The following ALAS2 variants were observed in gnomAD, a reference collection of about 807,000 sequenced individuals.
The protein encoded by ALAS2 is 5'-aminolevulinate synthase 2.
A neutral mutation model predicts 33.7 loss-of-function variants in ALAS2; 3 were observed. The observed-to-expected ratio is 0.09, with a 90% CI of 0.04 to 0.23. The LOEUF is 0.23. ALAS2 is among the 10% of genes least tolerant of loss of function. The probability of loss-of-function intolerance (pLI) is 1.00; values close to 1 mark genes in which losing one functional copy is unlikely to be tolerated. For missense variants in ALAS2, 304 were observed against 475.1 expected (o/e 0.64, Z 3.35); for synonymous variants, 191 against 177.3 (o/e 1.08, Z -0.61).
intron 6 of ALAS2, among the ~76,000 whole-genome samples, chrX:55,019,425 T>C (rs1365659560): frequency 9.0e-6 from 1 of 111,477 alleles, no homozygotes; most frequent in Non-Finnish European, 1.9e-5. Flanking sequence ...TGCTGTCTGG[T>C]ATCTTCTATT....
At chrX:55,024,643 C>T in intron 3 of ALAS2, 75 bp downstream of exon 3, 1 of 1,182,877 alleles carries the variant, frequency 8.5e-7, no homozygotes. Context: ...TTTGTATTAG[C>T]CTAGCTCAGG....
At chrX:55,012,834 C>T (rs1389821633) in intron 10 of ALAS2, among the ~76,000 whole-genome samples, 1 of 111,798 alleles carries the variant, frequency 8.9e-6, no homozygotes, top group Non-Finnish European at 1.9e-5. Context: ...AACAAAACTA[C>T]CCAACAGAAA....
chrX:55,015,464 G>A (rs1177862986), intron 8 of ALAS2, 114 bp downstream of exon 8: 10 of 876,775 alleles, frequency 1.1e-5, no homozygotes, highest in Non-Finnish European at 1.7e-5. Flanking sequence ...CAGCAGCCTG[G>A]GGCTGTGAAT....
At chrX:55,022,333 C>A (rs1163660696) in intron 4 of ALAS2, among the ~76,000 whole-genome samples, 1 of 111,249 alleles carries the variant, frequency 9.0e-6, no homozygotes, top group Non-Finnish European at 1.9e-5. Flanking sequence ...ACTTAACAGA[C>A]AAATGATTGA....
At chrX:55,015,955 CTCTCTG>C (rs1935691664) in intron 7 of ALAS2, among the ~76,000 whole-genome samples, 1 of 84,998 alleles carries the variant, frequency 1.2e-5, no homozygotes, top group African/African-American at 5.1e-5. Context: ...CTCTCTCTGT[CTCTCTG>C]TGTGTGTGTG....
intron 4 of ALAS2, among the ~76,000 whole-genome samples, chrX:55,021,705 A>G (rs1410343206): frequency 1.8e-5 from 2 of 112,097 alleles, no homozygotes; most frequent in African/African-American, 6.5e-5. Context: ...AATGAGGCTA[A>G]TAATACTTTC....
In ALAS2 at chrX:55,014,741, T is replaced by C. The variant is rs1935669607; in HGVS notation, c.1437+6A>G. ...GAGAGGGCAATGGGCATGGTGGGGC[T>C]CTCACCCGGATGGGGATGATGTGGC... is the stretch of plus-strand genomic sequence containing the variant. On this transcript the variant is annotated splice_donor_region_variant and intron_variant, in intron 9 of 10. Coordinates refer to ENST00000650242, the MANE Select transcript of ALAS2 (RefSeq NM_000032.5). The C allele has an allele frequency of 1.7e-6, 2 of 1,171,495 alleles. No individual in the cohort carries two copies. The highest frequency in any genetic ancestry group is 1.1e-6 in the Non-Finnish European group (1 of 872,124).
rs751946135 is a variant in ALAS2 at position 55,015,763 on chromosome X, G to T, written c.1004-21C>A. 4.1e-6 allele frequency: 5 copies of T among 1,208,335 alleles called. No individual in the cohort carries two copies. In the South Asian group the frequency reaches 8.8e-5, roughly 21 times the overall value. Reference sequence around the variant, plus strand: ...GGCACCTGAGCAAAGCCAAGGGATAGAGGTAGGACATCATAACCCTTCCCC... The same window carrying T: ...GGCACCTGAGCAAAGCCAAGGGATATAGGTAGGACATCATAACCCTTCCCC... On this transcript the variant is annotated intron_variant, in intron 7 of 10. Transcript: ENST00000650242.
intron 4 of ALAS2, 75 bp downstream of exon 4, chrX:55,023,682 C>T (rs1442960165): frequency 1.5e-5 from 13 of 861,341 alleles, no homozygotes; most frequent in Non-Finnish European, 6.8e-6. Context: ...GTACTGTTTC[C>T]CCTACTGTGA....
In ALAS2 at chrX:55,024,824, C is replaced by T. The variant is rs137993499; in HGVS notation, c.198G>A (p.Ala66=). Residue 66 remains alanine, a synonymous_variant, in exon 3 of 11, where the codon GCG becomes GCA. Coordinates refer to ENST00000650242, the MANE Select transcript of ALAS2 (RefSeq NM_000032.5). ...TKAGGDSPSW[A]KGHCPFMLSE... ...ACAGCATGAAGGGACAGTGGCCCTT[C>T]GCCCAAGATGGAGAATCTATGCAAA... 2.4e-3 allele frequency: 2,846 copies of T among 1,209,945 alleles called. 49 individuals are homozygous for T. In the African/African-American group the frequency reaches 0.045, roughly 19 times the overall value.
At position 55,023,800 on chromosome X, in the gene ALAS2, C is replaced by T; in HGVS notation, c.372G>A (p.Gln124=). 8.3e-7 allele frequency: 1 copy of T among 1,211,027 alleles called. No homozygotes were observed. Residue 124 remains glutamine (Q), a synonymous_variant, in exon 4 of 11, where the codon CAG becomes CAA. Transcript: ENST00000650242. ...TCAGGTGTGTGACCTTCCCAGAGAT[C>T]TGCTCCTGCTCCTGGGGACCGGAAA... ...KPFSGPQEQE[Q]ISGKVTHLIQ... is the part of the protein sequence containing the mutation.
chrX:55,030,832 C>A, intron 1 of ALAS2, 110 bp downstream of exon 1: 1 of 188,944 alleles, frequency 5.3e-6, no homozygotes, highest in Non-Finnish European at 1.1e-5. Flanking sequence ...TTCTAAGAAA[C>A]AAACAAAGGA....
chrX:55,030,951 T>C lies in ALAS2; in HGVS notation c.-25A>G, dbSNP rs1466575159. 2 of 340,624 alleles carry C rather than the reference T, an allele frequency of 5.9e-6. No homozygotes were observed. The highest frequency in any genetic ancestry group is 2.7e-5 in the African/African-American group (1 of 37,680). 28.1% of individuals were successfully genotyped at this position (340,624 alleles called of 1,213,427 possible). A position where few individuals can be genotyped will look rare whatever the true frequency, so the allele number is the denominator to read the frequency against. On this transcript the variant is annotated 5_prime_UTR_variant, in exon 1 of 11. Coordinates refer to ENST00000650242, the MANE Select transcript of ALAS2 (RefSeq NM_000032.5). ...TGAAAGCAGCTCTTACCTGTTGCCCTGCACTGAGGACGAACGAATGACAGG... is the reference window on the plus strand; with the variant it reads ...TGAAAGCAGCTCTTACCTGTTGCCCCGCACTGAGGACGAACGAATGACAGG...
intron 9 of ALAS2, 38 bp downstream of exon 9, chrX:55,014,709 A>G: frequency 1.8e-6 from 2 of 1,117,281 alleles, no homozygotes; most frequent in East Asian, 6.2e-5. Context: ...CCCAGAATAA[A>G]TAGGTGGAGA....
At chrX:55,020,034 A>G (rs1238210415) in intron 6 of ALAS2, among the ~76,000 whole-genome samples, 1 of 111,644 alleles carries the variant, frequency 9.0e-6, no homozygotes, top group Non-Finnish European at 1.9e-5. Context: ...TAAAATAACT[A>G]TGTATGTGTG....
chrX:55,013,097 T>G (rs987414084), intron 10 of ALAS2, among the ~76,000 whole-genome samples: 1 of 111,715 alleles, frequency 9.0e-6, no homozygotes, highest in Admixed American at 9.5e-5. Context: ...GTAGGAATAC[T>G]TCTTCCATGC....
chrX:55,024,003 A>T, intron 3 of ALAS2, 136 bp from the exon 4 acceptor site: 1 of 515,809 alleles, frequency 1.9e-6, no homozygotes, highest in Non-Finnish European at 3.4e-6. Context: ...AGCGAGAAGA[A>T]ATCTTCTCCA....
At chrX:55,022,957 C>G (rs1465368865) in intron 4 of ALAS2, among the ~76,000 whole-genome samples, 2 of 111,438 alleles carry the variant, frequency 1.8e-5, no homozygotes, top group Non-Finnish European at 3.8e-5. Context: ...AAAAGTAATA[C>G]TATACATTTT....
rs767525687 is a variant in ALAS2, at chrX:55,025,627, T to G, written c.181+193A>C. 2.7e-5 allele frequency among the ~76,000 whole-genome samples: 3 copies of G among 112,258 alleles called. No homozygotes were observed. The South Asian group carries it at 1.1e-3, about 42-fold the overall frequency. On this transcript the variant is annotated intron_variant, in intron 2 of 10. Coordinates refer to ENST00000650242, the MANE Select transcript of ALAS2 (RefSeq NM_000032.5). ...GATTACAGGCGTGAGCCACTGTGCC[T>G]GGCCGAGAATGAGACTCTTTCTAGA...
Sources: allele counts gnomAD v4.1 joint callset (sites outside exome capture counted in the v4.1 genomes callset), GRCh38; gene constraint gnomAD v4.1.1; transcripts MANE v1.5; gene names NCBI Gene and HGNC (gene_info 2026-07-23, HGNC 2026-07-21).